Variants in TBXAS1 observed in about 807,000 individuals in gnomAD.
The protein encoded by TBXAS1 is thromboxane-A synthase.
Under a neutral mutation model 60.7 loss-of-function variants are expected in TBXAS1, and 48 were observed. That is an observed-to-expected ratio of 0.79 (90% CI 0.63 to 1.01). TBXAS1 has a LOEUF of 1.01. TBXAS1 is among the 50% of genes least tolerant of loss of function. The pLI, the probability that TBXAS1 is intolerant of heterozygous loss-of-function variation, is 0.00. For missense variants in TBXAS1, 685 were observed against 686.3 expected (o/e 1.00, Z 0.02); for synonymous variants, 287 against 269.7 (o/e 1.06, Z -0.63).
chr7:139,823,791 C>A (rs938274186), intron 4 of TBXAS1, among the ~76,000 whole-genome samples: 1 of 152,182 alleles, frequency 6.6e-6, no homozygotes, highest in Non-Finnish European at 1.5e-5. Context: ...CATCTCTGAG[C>A]TCCGGTTTTA....
intron 9 of TBXAS1, among the ~76,000 whole-genome samples, chr7:139,992,825 C>A (rs914103591): frequency 2.6e-5 from 4 of 152,234 alleles, no homozygotes; most frequent in African/African-American, 9.6e-5. Flanking sequence ...ATCTCCCTCT[C>A]AGAGTTAAAA....
rs778941902 is a variant in TBXAS1, at chr7:139,778,877, A to T, written c.-318+406A>T. Among the ~76,000 whole-genome samples the T allele has an allele frequency of 6.6e-6, 1 of 152,134 alleles. No individual in the cohort carries two copies. The highest frequency in any genetic ancestry group is 1.5e-5 in the Non-Finnish European group (1 of 68,018). ...ATAGGATGCCCTGCCATCCCCTCCA[A>T]CTTAGGAAGACTTGTTGAGTCTCCT... On this transcript the variant is annotated intron_variant, in intron 1 of 16. Coordinates refer to the TBXAS1 transcript ENST00000336425. This position sits in a 1 kb window ranked among gnomAD's most constrained non-coding sequence, Gnocchi z 4.8.
In TBXAS1 at chr7:139,959,007, TCACACACACA is replaced by T. The variant is rs8192836; in HGVS notation, c.819+1265_819+1274del. On this transcript the variant is annotated intron_variant, in intron 8 of 12. Coordinates refer to ENST00000448866, the MANE Select transcript of TBXAS1 (RefSeq NM_001061.7). ...ACTAAGGGCCACCTTTTGAGAGTGT[TCACACACACA>T]CACACACACACACACACACACGCAT... 7.3e-5 allele frequency among the ~76,000 whole-genome samples: 11 copies of T among 149,844 alleles called. No homozygotes were observed. In the South Asian group the frequency reaches 1.3e-3, roughly 17 times the overall value.
intron 3 of TBXAS1, among the ~76,000 whole-genome samples, chr7:139,890,237 A>T: frequency 2.1e-5 from 2 of 96,082 alleles, no homozygotes; most frequent in East Asian, 3.0e-4. Flanking sequence ...TTTTTTTGAG[A>T]CAGAGTCTCG....
intron 3 of TBXAS1, among the ~76,000 whole-genome samples, chr7:139,905,890 T>C (rs1248792191): frequency 6.6e-6 from 1 of 152,198 alleles, no homozygotes; most frequent in Non-Finnish European, 1.5e-5. Flanking sequence ...ATGGATTATG[T>C]TTTAGTGTCA....
At chr7:139,901,299 T>C (rs1469555397) in intron 3 of TBXAS1, among the ~76,000 whole-genome samples, 1 of 150,522 alleles carries the variant, frequency 6.6e-6, no homozygotes, top group Non-Finnish European at 1.5e-5. Flanking sequence ...TGTTGCAAAA[T>C]TGTTTTTAGC....
intron 5 of TBXAS1, among the ~76,000 whole-genome samples, chr7:139,945,969 T>C (rs771572815): frequency 1.3e-5 from 2 of 152,234 alleles, no homozygotes; most frequent in Non-Finnish European, 2.9e-5. Flanking sequence ...ATAAGAATCT[T>C]GTACTGTGTC....
rs749505058 is a variant in TBXAS1, at chr7:139,942,149, A to G, written c.450+5842A>G. On this transcript the variant is annotated intron_variant, in intron 5 of 12. Transcript: ENST00000448866. ...AGAAAGGCATCTAAACTGTACTTAT[A>G]TGATGATGAATTTCAAGCTATGAAT... 3.9e-4 allele frequency among the ~76,000 whole-genome samples: 60 copies of G among 152,252 alleles called. 2 individuals carry two copies. Among genetic ancestry groups the G allele is most frequent in the Non-Finnish European group, 5.0e-4 (34 of 68,046 alleles).
At chr7:139,951,973 A>C (rs1809410365) in intron 5 of TBXAS1, among the ~76,000 whole-genome samples, 1 of 146,538 alleles carries the variant, frequency 6.8e-6, no homozygotes, top group Admixed American at 6.9e-5. Context: ...AAAGAAAGAA[A>C]GAAAGAAAGA....
chr7:139,979,766 T>TAAA (rs1554502603), intron 9 of TBXAS1, among the ~76,000 whole-genome samples: 4 of 138,938 alleles, frequency 2.9e-5, no homozygotes, highest in Non-Finnish European at 3.1e-5. Context: ...ATAATAATAA[T>TAAA]AAATAAATAG....
At chr7:139,986,165 C>T (rs117792276) in intron 9 of TBXAS1, among the ~76,000 whole-genome samples, 6 of 152,192 alleles carry the variant, frequency 3.9e-5, no homozygotes, top group East Asian at 1.9e-4. Flanking sequence ...GTTGAGTTCT[C>T]TCTATGCGCT....
At chr7:139,836,974 C>T (rs566572151) in intron 1 of TBXAS1, among the ~76,000 whole-genome samples, 1 of 152,050 alleles carries the variant, frequency 6.6e-6, no homozygotes, top group Non-Finnish European at 1.5e-5. Flanking sequence ...AAGAAAAAAA[C>T]AATCCCATCA....
chr7:139,897,788 G>C (rs980327669), intron 3 of TBXAS1, among the ~76,000 whole-genome samples: 1 of 152,212 alleles, frequency 6.6e-6, no homozygotes, highest in Admixed American at 6.5e-5. Flanking sequence ...AACATGGGCA[G>C]ATGTTGCCTG....
intron 3 of TBXAS1, among the ~76,000 whole-genome samples, chr7:139,885,972 A>G (rs1803065371): frequency 6.6e-6 from 1 of 152,212 alleles, no homozygotes; most frequent in Non-Finnish European, 1.5e-5. Flanking sequence ...AAACTGGAAC[A>G]TATTCTTCTT....
Position 139,999,472 on chromosome 7 carries a change from C to T in TBXAS1, c.1135-7619C>T, listed in dbSNP as rs1435668317. On this transcript the variant is annotated intron_variant, in intron 9 of 12. Coordinates refer to ENST00000448866, the MANE Select transcript of TBXAS1 (RefSeq NM_001061.7). The surrounding 1 kb of genome is among the most constrained non-coding windows in gnomAD (Gnocchi z 4.3). ...CCGGGAGGTGGAGGTTGCAGTGAGC[C>T]GAGATTGTACCATTGCACTCCAGCC... Among the ~76,000 whole-genome samples the T allele has an allele frequency of 1.3e-5, 2 of 152,056 alleles. No individual in the cohort carries two copies. Among genetic ancestry groups the T allele is most frequent in the African/African-American group, 4.8e-5 (2 of 41,366 alleles).
intron 3 of TBXAS1, among the ~76,000 whole-genome samples, chr7:139,782,951 T>C (rs1337519704): frequency 6.6e-6 from 1 of 152,240 alleles, no homozygotes; most frequent in Non-Finnish European, 1.5e-5. Flanking sequence ...GGATTATTCT[T>C]AAGAAATTAC....
At chr7:139,829,096 G>C, upstream of TBXAS1, 1 of 484,498 alleles carries the variant, frequency 2.1e-6, no homozygotes, top group South Asian at 1.8e-5. Context: ...ACATGGGGAA[G>C]TTTGCTTTTC....
intron 9 of TBXAS1, among the ~76,000 whole-genome samples, chr7:139,983,199 A>T (rs898870861): frequency 2.3e-4 from 35 of 152,150 alleles, no homozygotes; most frequent in African/African-American, 8.2e-4. Context: ...GATCTTTGGC[A>T]TCTTACTGCC....
intron 3 of TBXAS1, among the ~76,000 whole-genome samples, chr7:139,890,550 C>T (rs998804737): frequency 4.6e-5 from 7 of 152,100 alleles, no homozygotes; most frequent in African/African-American, 7.2e-5. Context: ...GAACATTTTT[C>T]CCCCCAGAGT....
Sources: gnomAD v4.1 joint callset for allele counts (sites outside exome capture counted in the v4.1 genomes callset) on GRCh38, gnomAD v4.1.1 for gene constraint, Gnocchi (gnomAD v3.1) non-coding constraint, MANE v1.5 for transcripts, NCBI Gene and HGNC (gene_info 2026-07-23, HGNC 2026-07-21) for gene names.